Variants in LDLRAD4 observed in about 807,000 individuals in gnomAD.
LDLRAD4 encodes the protein low density lipoprotein receptor class A domain containing 4, also known as low-density lipoprotein receptor class A domain-containing protein 4.
A neutral mutation model predicts 17.0 loss-of-function variants in LDLRAD4; 5 were observed. That is an observed-to-expected ratio of 0.29 (90% confidence interval 0.15 to 0.62). The LOEUF (loss-of-function observed/expected upper bound fraction) is 0.62, where lower values mean the gene tolerates loss of function less well. Ranked by LOEUF, LDLRAD4 falls within the 20% of genes least tolerant of loss-of-function variation. The pLI is 0.84. For missense variants in LDLRAD4, 340 were observed against 424.7 expected, an observed-to-expected ratio of 0.80 and a Z score of 1.75; for synonymous variants, 168 against 171.8, an observed-to-expected ratio of 0.98 and a Z score of 0.17.
chr18:13,368,245 A>G lies in LDLRAD4; in HGVS notation c.-382-19096A>G, dbSNP rs115631567. Among the ~76,000 whole-genome samples the G allele has an allele frequency of 6.7e-3, 1,020 of 152,186 alleles. 11 individuals are homozygous for G. The highest frequency in any genetic ancestry group is 0.024 in the African/African-American group (976 of 41,516). ...AAGTTTCTAGAGGGAGCCGACAAGA[A>G]GCTGAGTGTGGGACTTTGGGGGATG... is the stretch of plus-strand genomic sequence containing the variant. On this transcript the variant is annotated intron_variant, in intron 1 of 5. Coordinates refer to ENST00000359446, the Ensembl canonical transcript of LDLRAD4.
chr18:13,298,062 G>A (rs1427911494), intron 1 of LDLRAD4, among the ~76,000 whole-genome samples: 1 of 152,242 alleles, frequency 6.6e-6, no homozygotes, highest in Non-Finnish European at 1.5e-5. Context: ...GGACAGGCCT[G>A]CCACAGTGAT....
intron 3 of LDLRAD4, chr18:13,487,872 G>A: frequency 6.5e-6 from 1 of 152,700 alleles, no homozygotes; most frequent in Non-Finnish European, 1.5e-5. Context: ...GCATTTCATG[G>A]ACACATAGGC....
intron 1 of LDLRAD4, among the ~76,000 whole-genome samples, chr18:13,297,248 T>G (rs2046327321): frequency 6.6e-6 from 1 of 152,142 alleles, no homozygotes; most frequent in Non-Finnish European, 1.5e-5. Context: ...GGCCTCTGCA[T>G]TTTGGAAGGG....
chr18:13,520,149 A>C (rs896005955), intron 3 of LDLRAD4: 1 of 152,200 alleles, frequency 6.6e-6, no homozygotes, highest in Non-Finnish European at 1.5e-5. Flanking sequence ...GGGATTGGGC[A>C]ATGAAATGTT....
In LDLRAD4 at chr18:13,300,215, T is replaced by C. The variant is rs1053461208; in HGVS notation, c.-383+22027T>C. Among the ~76,000 whole-genome samples, 1 of 152,164 alleles carries C rather than the reference T, an allele frequency of 6.6e-6. No individual in the cohort carries two copies. The highest frequency in any genetic ancestry group is 2.4e-5 in the African/African-American group (1 of 41,428). On this transcript the variant is annotated intron_variant, in intron 1 of 5. Coordinates refer to ENST00000359446, the Ensembl canonical transcript of LDLRAD4. This position sits in a 1 kb window ranked among gnomAD's most constrained non-coding sequence, Gnocchi z 4.2. ...AGGGCCAGCAGGTGCCTCCTTACAG[T>C]TGGAGTCTGTCCAGGCACAGCAGAG...
chr18:13,305,014 T>A (rs116682372), intron 1 of LDLRAD4, among the ~76,000 whole-genome samples: 1 of 152,220 alleles, frequency 6.6e-6, no homozygotes, highest in East Asian at 1.9e-4. Flanking sequence ...GTATACAGAT[T>A]TTTTTCAATA....
At position 13,367,114 on chromosome 18, in the gene LDLRAD4, T is replaced by C. The variant is rs1018443497; in HGVS notation, c.-382-20227T>C. ...TGCCCACAGCGAGATGCAAACTGGG[T>C]GTCACACAGAACAGTCCTGTTGCTG... is the stretch of plus-strand genomic sequence containing the variant. On this transcript the variant is annotated intron_variant, in intron 1 of 5. Transcript: ENST00000359446. This position sits in a 1 kb window ranked among gnomAD's most constrained non-coding sequence, Gnocchi z 4.1. Among the ~76,000 whole-genome samples the C allele has an allele frequency of 6.6e-6, 1 of 152,144 alleles. No individual in the cohort carries two copies. The highest frequency in any genetic ancestry group is 2.4e-5 in the African/African-American group (1 of 41,422).
chr18:13,275,580 A>G (rs1482336999), upstream of LDLRAD4, among the ~76,000 whole-genome samples: 1 of 152,250 alleles, frequency 6.6e-6, no homozygotes, highest in Non-Finnish European at 1.5e-5. Flanking sequence ...GACTGTAGTC[A>G]ATAATAACTT....
intron 3 of LDLRAD4, among the ~76,000 whole-genome samples, chr18:13,530,203 A>G (rs1334878777): frequency 6.6e-6 from 1 of 152,220 alleles, no homozygotes; most frequent in South Asian, 2.1e-4. Context: ...TGTAAAAACC[A>G]TAAACCTCAA....
intron 3 of LDLRAD4, among the ~76,000 whole-genome samples, chr18:13,546,093 T>A (rs2094357947): frequency 6.6e-6 from 1 of 152,150 alleles, no homozygotes; most frequent in Non-Finnish European, 1.5e-5. Context: ...GGCAGATGGT[T>A]TAGCCCCTGC....
chr18:13,621,009 G>T lies in LDLRAD4; in HGVS notation c.182-108G>T. The T allele has an allele frequency of 4.1e-6, 6 of 1,471,684 alleles. No individual in the cohort carries two copies. Among genetic ancestry groups the T allele is most frequent in the Middle Eastern group, 1.8e-4 (1 of 5,658 alleles). 91.2% of individuals were successfully genotyped at this position (1,471,684 alleles called of 1,614,324 possible). On this transcript the variant is annotated intron_variant, in intron 3 of 5. Coordinates refer to ENST00000359446, the Ensembl canonical transcript of LDLRAD4. The surrounding 1 kb of genome is among the most constrained non-coding windows in gnomAD (Gnocchi z 5.5). ...TCCTGCTGGCCTCTGAGGAACAGAC[G>T]TGTGTGAGAGGCCTTCAGGGCCTGA...
At chr18:13,516,156 GA>G (rs1180870478) in intron 3 of LDLRAD4, 1 of 152,194 alleles carries the variant, frequency 6.6e-6, no homozygotes, top group Non-Finnish European at 1.5e-5. Flanking sequence ...CCATGTGTAA[GA>G]AAAAAGAACT....
chr18:13,220,906 C>T (rs1032842849), intron 1 of LDLRAD4, among the ~76,000 whole-genome samples: 4 of 152,210 alleles, frequency 2.6e-5, no homozygotes, highest in African/African-American at 7.2e-5. Flanking sequence ...CTGCATGTAG[C>T]CAGCATAAAG....
intron 1 of LDLRAD4, among the ~76,000 whole-genome samples, chr18:13,292,967 G>A (rs766405293): frequency 6.6e-6 from 1 of 152,226 alleles, no homozygotes; most frequent in Non-Finnish European, 1.5e-5. Flanking sequence ...CGAGGTCTTG[G>A]AGAGAATGCC....
chr18:13,496,346 G>A (rs887539204), intron 3 of LDLRAD4, among the ~76,000 whole-genome samples: 6 of 152,176 alleles, frequency 3.9e-5, no homozygotes, highest in Non-Finnish European at 1.5e-5. Context: ...AAGTCAGGGG[G>A]TGGATTAGAT....
chr18:13,312,688 G>T (rs1441562033), intron 1 of LDLRAD4, among the ~76,000 whole-genome samples: 1 of 152,144 alleles, frequency 6.6e-6, no homozygotes, highest in Non-Finnish European at 1.5e-5. Flanking sequence ...ACTGTAGTGA[G>T]CTGTGATCGC....
intron 1 of LDLRAD4, among the ~76,000 whole-genome samples, chr18:13,251,263 C>G (rs149292261): frequency 6.6e-6 from 1 of 152,210 alleles, no homozygotes; most frequent in Non-Finnish European, 1.5e-5. Flanking sequence ...AAAACCACAG[C>G]TGACATCGTA....
At chr18:13,567,866 T>C (rs1246607904) in intron 3 of LDLRAD4, among the ~76,000 whole-genome samples, 1 of 152,210 alleles carries the variant, frequency 6.6e-6, no homozygotes, top group African/African-American at 2.4e-5. Flanking sequence ...TCTTGGCTTA[T>C]TGGAAATAAT....
intron 1 of LDLRAD4, among the ~76,000 whole-genome samples, chr18:13,316,703 G>A (rs1389572852): frequency 6.6e-6 from 1 of 152,150 alleles, no homozygotes. Context: ...AGCTGTTGGA[G>A]AACTAATTTC....
Sources: gnomAD v4.1 joint callset for allele counts (sites outside exome capture counted in the v4.1 genomes callset) on GRCh38, gnomAD v4.1.1 for gene constraint, Gnocchi (gnomAD v3.1) non-coding constraint, MANE v1.5 for transcripts, NCBI Gene and HGNC (gene_info 2026-07-23, HGNC 2026-07-21) for gene names.